KIRREL3: variants seen among roughly 807,000 people sequenced by gnomAD.
The protein encoded by KIRREL3 is kirre like nephrin family adhesion molecule 3.
Under a neutral mutation model 89.7 loss-of-function variants are expected in KIRREL3, and 36 were observed. The observed-to-expected ratio is 0.40, with a 90% CI of 0.31 to 0.53. KIRREL3 has a LOEUF of 0.53. KIRREL3 is among the 20% of genes least tolerant of loss of function. KIRREL3 has a pLI of 0.49. For synonymous variants in KIRREL3, 445 were observed against 441.4 expected, an observed-to-expected ratio of 1.01 and a Z score of -0.10; for missense variants, 864 against 1,056.6, an observed-to-expected ratio of 0.82 and a Z score of 2.53.
At chr11:126,899,336 A>G (rs1946282880) in intron 1 of KIRREL3, among the ~76,000 whole-genome samples, 2 of 152,340 alleles carry the variant, frequency 1.3e-5, no homozygotes, top group African/African-American at 4.8e-5. Context: ...GGAGGTCATC[A>G]AAGTCATTTG....
intron 1 of KIRREL3, among the ~76,000 whole-genome samples, chr11:126,832,593 G>A (rs1230390166): frequency 3.3e-5 from 5 of 152,278 alleles, no homozygotes; most frequent in South Asian, 2.1e-4. Context: ...GAGCCAGATC[G>A]CGAGATAAGC....
rs898506055 is a variant in KIRREL3, at chr11:126,766,376, A to G, written c.56-203464T>C. On this transcript the variant is annotated intron_variant, in intron 1 of 16. Coordinates refer to ENST00000525144, the MANE Select transcript of KIRREL3 (RefSeq NM_032531.4). This position sits in a 1 kb window ranked among gnomAD's most constrained non-coding sequence, Gnocchi z 4.2. The stretch of plus-strand genomic sequence containing the variant: ...CTCACTCCTACGCGGAGAAGAAAAA[A>G]CTTGGGGAGAGAGGGGTAGAGTTAG... Among the ~76,000 whole-genome samples, 9 of 151,906 alleles carry G rather than the reference A, an allele frequency of 5.9e-5. No individual in the cohort carries two copies. The highest frequency in any genetic ancestry group is 1.2e-4 in the Non-Finnish European group (8 of 67,968).
intron 1 of KIRREL3, among the ~76,000 whole-genome samples, chr11:126,737,233 GA>G (rs1219951671): frequency 3.9e-5 from 6 of 152,102 alleles, no homozygotes; most frequent in Admixed American, 3.9e-4. Flanking sequence ...AGGGAGTGGG[GA>G]GGAGCAGGGA....
intron 1 of KIRREL3, among the ~76,000 whole-genome samples, chr11:126,581,466 T>G (rs1371328744): frequency 6.6e-6 from 1 of 152,160 alleles, no homozygotes; most frequent in East Asian, 1.9e-4. Context: ...CCTCCCAAAG[T>G]GCTGGGATTA....
Position 126,443,493 on chromosome 11 carries a change from G to A in KIRREL3, c.1252+1486C>T, listed in dbSNP as rs376502827. 5.3e-5 allele frequency among the ~76,000 whole-genome samples: 8 copies of A among 152,226 alleles called. No homozygotes were observed. In the East Asian group the frequency reaches 9.7e-4, roughly 18 times the overall value. The stretch of plus-strand genomic sequence containing the variant: ...CACTCAGGAAAGGCAGGAGGGCTCC[G>A]ACTCAGGGCTCTGCCAGGACAGGTG... On this transcript the variant is annotated intron_variant, in intron 10 of 16. Transcript: ENST00000525144. The surrounding 1 kb of genome is among the most constrained non-coding windows in gnomAD (Gnocchi z 7.3).
rs1036235534 is a variant in KIRREL3 at position 126,709,099 on chromosome 11, A to C, written c.56-146187T>G. 6.6e-6 allele frequency among the ~76,000 whole-genome samples: 1 copy of C among 152,214 alleles called. No individual in the cohort carries two copies. Among genetic ancestry groups the C allele is most frequent in the African/African-American group, 2.4e-5 (1 of 41,450 alleles). On this transcript the variant is annotated intron_variant, in intron 1 of 16. Transcript: ENST00000525144. This position sits in a 1 kb window ranked among gnomAD's most constrained non-coding sequence, Gnocchi z 4.0. ...TCAACAGAGAAGGAGAGGAGAGCCT[A>C]CACTGTGCTGGGTCACTGTGTTACG...
At position 126,744,565 on chromosome 11, in the gene KIRREL3, T is replaced by G. The variant is rs1158406936; in HGVS notation, c.56-181653A>C. ...GCAGCAGAGACCTCAATTTTCAAAG[T>G]GTGTATCTGGAACAATACAGAACAG... On this transcript the variant is annotated intron_variant, in intron 1 of 16. Transcript: ENST00000525144. This position sits in a 1 kb window ranked among gnomAD's most constrained non-coding sequence, Gnocchi z 4.7. 6.6e-6 allele frequency among the ~76,000 whole-genome samples: 1 copy of G among 152,070 alleles called. No individual in the cohort carries two copies. The highest frequency in any genetic ancestry group is 1.5e-5 in the Non-Finnish European group (1 of 68,004).
At chr11:126,556,265 G>T (rs76144374) in intron 2 of KIRREL3, among the ~76,000 whole-genome samples, 2 of 152,044 alleles carry the variant, frequency 1.3e-5, no homozygotes, top group African/African-American at 4.8e-5. Context: ...GAGAGAGGAG[G>T]GTGGGTACAG....
At chr11:126,848,764 C>A (rs1490095354) in intron 1 of KIRREL3, among the ~76,000 whole-genome samples, 1 of 152,158 alleles carries the variant, frequency 6.6e-6, no homozygotes, top group Non-Finnish European at 1.5e-5. Flanking sequence ...CCAGATATCA[C>A]CTTTTGTTGG....
rs11220532 is a variant in KIRREL3 at position 126,528,158 on chromosome 11, G to C, written c.134-1471C>G. Among the ~76,000 whole-genome samples the C allele has an allele frequency of 6.6e-6, 1 of 152,170 alleles. No individual in the cohort carries two copies. The highest frequency in any genetic ancestry group is 1.9e-4 in the East Asian group (1 of 5,180). ...AAGCCCTCCCTTTTTCCTACCTCCT[G>C]CTCTACAGACCCAGACCTAACCGAG... is the stretch of plus-strand genomic sequence containing the variant. On this transcript the variant is annotated intron_variant, in intron 2 of 16. Coordinates refer to ENST00000525144, the MANE Select transcript of KIRREL3 (RefSeq NM_032531.4). This position sits in a 1 kb window ranked among gnomAD's most constrained non-coding sequence, Gnocchi z 4.6.
intron 1 of KIRREL3, among the ~76,000 whole-genome samples, chr11:126,599,039 G>T (rs1942526282): frequency 6.6e-6 from 1 of 152,144 alleles, no homozygotes. Context: ...CCCCTTGTGG[G>T]CTCCCATTTT....
chr11:126,799,380 A>ATCTGTGTGTG (rs1565741524), intron 1 of KIRREL3, among the ~76,000 whole-genome samples: 6 of 11,820 alleles, frequency 5.1e-4, no homozygotes, highest in African/African-American at 1.2e-3. Flanking sequence ...CTGTGTGTGC[A>ATCTGTGTGTG]TGCGTGTATC....
chr11:126,950,459 C>T (rs1176006001), intron 1 of KIRREL3, among the ~76,000 whole-genome samples: 4 of 152,202 alleles, frequency 2.6e-5, no homozygotes, highest in Non-Finnish European at 4.4e-5. Context: ...CCTCTACGGG[C>T]AGGCGGTAAA....
chr11:126,865,786 A>G (rs1445579944), intron 1 of KIRREL3, among the ~76,000 whole-genome samples: 1 of 152,262 alleles, frequency 6.6e-6, no homozygotes, highest in Non-Finnish European at 1.5e-5. Context: ...TCCTTTCCAA[A>G]AAACTTCAGC....
rs1025860860 is a variant in KIRREL3, at chr11:126,677,645, G to A, written c.56-114733C>T. On this transcript the variant is annotated intron_variant, in intron 1 of 16. Transcript: ENST00000525144. This position sits in a 1 kb window ranked among gnomAD's most constrained non-coding sequence, Gnocchi z 5.1. The stretch of plus-strand genomic sequence containing the variant: ...GTCGCTGTGCTAGGTGCTGAAGCAG[G>A]GCTGGGATGGGGGTGTGAAGACAGA... Among the ~76,000 whole-genome samples the A allele has an allele frequency of 3.3e-5, 5 of 152,190 alleles. No homozygotes were observed. Among genetic ancestry groups the A allele is most frequent in the African/African-American group, 1.2e-4 (5 of 41,442 alleles).
rs528917663 is a variant in KIRREL3 at position 126,560,753 on chromosome 11, C to T, written c.133+2082G>A. On this transcript the variant is annotated intron_variant, in intron 2 of 16. Transcript: ENST00000525144. ...TTATATTTATTCTAAATGGGAAATA[C>T]AATGATCATCAACTTATCTTTAAGG... is the stretch of plus-strand genomic sequence containing the variant. Among the ~76,000 whole-genome samples, 214 of 152,280 alleles carry T rather than the reference C, an allele frequency of 1.4e-3. 1 individual carries two copies. Among genetic ancestry groups the T allele is most frequent in the Non-Finnish European group, 2.5e-3 (167 of 68,016 alleles).
At position 126,490,650 on chromosome 11, in the gene KIRREL3, A is replaced by G. The variant is rs1331354441; in HGVS notation, c.434-17184T>C. On this transcript the variant is annotated intron_variant, in intron 4 of 16. Coordinates refer to ENST00000525144, the MANE Select transcript of KIRREL3 (RefSeq NM_032531.4). The surrounding 1 kb of genome is among the most constrained non-coding windows in gnomAD (Gnocchi z 4.2). The stretch of plus-strand genomic sequence containing the variant: ...TCTTCGTCATAAAATAAGAGGGATA[A>G]TAATTCTGTGAAGGTTAGGAGAAGT... Among the ~76,000 whole-genome samples, 1 of 152,184 alleles carries G rather than the reference A, an allele frequency of 6.6e-6. No homozygotes were observed. Among genetic ancestry groups the G allele is most frequent in the African/African-American group, 2.4e-5 (1 of 41,442 alleles).
intron 1 of KIRREL3, among the ~76,000 whole-genome samples, chr11:126,858,223 A>G (rs1368218253): frequency 6.6e-6 from 1 of 152,220 alleles, no homozygotes; most frequent in African/African-American, 2.4e-5. Flanking sequence ...ATTAACCTTG[A>G]AGGATGACGC....
At chr11:126,852,049 CTTTTTT>C (rs10579989) in intron 1 of KIRREL3, among the ~76,000 whole-genome samples, 5 of 103,612 alleles carry the variant, frequency 4.8e-5, no homozygotes, top group Non-Finnish European at 1.9e-5. Context: ...GGGCTATAAC[CTTTTTT>C]TTTTTTTTTT....
Sources: allele counts gnomAD v4.1 joint callset (sites outside exome capture counted in the v4.1 genomes callset), GRCh38; gene constraint gnomAD v4.1.1; non-coding constraint Gnocchi (gnomAD v3.1); transcripts MANE v1.5; gene names NCBI Gene and HGNC (gene_info 2026-07-23, HGNC 2026-07-21).